Variants in DCAF15 observed in about 807,000 individuals in gnomAD.
DCAF15 encodes the protein DDB1 and CUL4 associated factor 15.
In DCAF15, 24 loss-of-function variants were observed where a neutral mutation model predicts 68.0. That is an observed-to-expected ratio of 0.35 (90% CI 0.26 to 0.50). The LOEUF (loss-of-function observed/expected upper bound fraction) is 0.50. Among genes scored for constraint, DCAF15 ranks in the 20% least tolerant of loss-of-function variants. The pLI is 0.98. For missense variants in DCAF15, 627 were observed against 830.6 expected (o/e 0.75, Z 3.01); for synonymous variants, 376 against 341.6 (o/e 1.10, Z -1.11).
At chr19:13,954,295 G>C in intron 1 of DCAF15, 45 bp from the exon 2 acceptor site, 1 of 1,550,842 alleles carries the variant, frequency 6.4e-7, no homozygotes, top group South Asian at 1.1e-5. Flanking sequence ...AGGGGGCTGG[G>C]GGCTGCAGAT....
In DCAF15 at chr19:13,952,605, G is replaced by A; in HGVS notation, c.93G>A (p.Arg31=). 7.9e-7 allele frequency: 1 copy of A among 1,266,594 alleles called. No homozygotes were observed. The allele number at this position is 1,266,594 out of a possible 1,614,324, so 78.5% of individuals were successfully genotyped here. Residue 31 remains arginine, a synonymous_variant, in exon 1 of 13, where the codon CGG becomes CGA. Coordinates refer to ENST00000254337, the MANE Select transcript of DCAF15 (RefSeq NM_138353.4). The stretch of plus-strand genomic sequence containing the variant: ...CCGGAGGGAAGCGGGCAGCAGGGCG[G>A]CGGCGGGAGCACGTCCTCAAGCAGC... ...GGAGGKRAAG[R]RREHVLKQLE...
Position 13,954,535 on chromosome 19 carries a change from C to T in DCAF15, c.240C>T (p.Phe80=), listed in dbSNP as rs148592830. Residue 80 remains phenylalanine, a synonymous_variant, in exon 3 of 13, where the codon TTC becomes TTT. Coordinates refer to ENST00000254337, the MANE Select transcript of DCAF15 (RefSeq NM_138353.4). ...CCCTCCACCCCCACAGACATATCTTCCTGGGCTTTTCCAAATGCGGCCGCT... is the reference window on the plus strand; with the variant it reads ...CCCTCCACCCCCACAGACATATCTTTCTGGGCTTTTCCAAATGCGGCCGCT... ...DEDFLYAGHI[F]LGFSKCGRYV... is the part of the protein sequence containing the mutation. 6.2e-6 allele frequency: 10 copies of T among 1,614,100 alleles called. No homozygotes were observed. Among genetic ancestry groups the T allele is most frequent in the African/African-American group, 4.0e-5 (3 of 74,954 alleles).
rs182775268 is a variant in DCAF15 at position 13,953,230 on chromosome 19, C to T, written c.132+586C>T. On this transcript the variant is annotated intron_variant, in intron 1 of 12. Coordinates refer to ENST00000254337, the MANE Select transcript of DCAF15 (RefSeq NM_138353.4). ...TCTGTCTCCTCCATCAGACTGGAAA[C>T]TCCCAGAGCTGGGGGATGATGTCTC... 14 of 1,230,970 alleles carry T rather than the reference C, an allele frequency of 1.1e-5. No individual in the cohort carries two copies. The Middle Eastern group carries it at 7.9e-4, about 69-fold the overall frequency. The allele number at this position is 1,230,970 out of a possible 1,614,324, so 76.3% of individuals were successfully genotyped here. A position where few individuals can be genotyped will look rare whatever the true frequency, so the allele number is the denominator to read the frequency against.
intron 1 of DCAF15, chr19:13,952,964 T>TCCAGG: frequency 1.0e-6 from 1 of 969,142 alleles, no homozygotes; most frequent in Non-Finnish European, 1.5e-6. Context: ...AAGGGGGCGA[T>TCCAGG]CCAGGCTTTT....
At position 13,961,416 on chromosome 19, in the gene DCAF15, T is replaced by A. The variant is rs940386535; in HGVS notation, c.*421T>A. The A allele has an allele frequency of 1.6e-4, 33 of 202,566 alleles. No individual in the cohort carries two copies. The highest frequency in any genetic ancestry group is 2.8e-4 in the Non-Finnish European group (27 of 97,950). 12.5% of individuals were successfully genotyped at this position (202,566 alleles called of 1,614,324 possible). On this transcript the variant is annotated 3_prime_UTR_variant, in exon 13 of 13. Transcript: ENST00000254337. ...CCTGGCCATCCCCATTCCGTTCTTC[T>A]TCATGTAATAAATGTTTTAATTTCT...
intron 1 of DCAF15, among the ~76,000 whole-genome samples, chr19:13,954,001 G>A (rs530471919): frequency 1.1e-4 from 16 of 152,288 alleles, no homozygotes; most frequent in African/African-American, 3.4e-4. Context: ...CCTTCAGGGA[G>A]GGAAGCAGGT....
intron 10 of DCAF15, 29 bp from the exon 11 acceptor site, chr19:13,960,258 C>T (rs370495076): frequency 1.9e-6 from 3 of 1,606,330 alleles, no homozygotes; most frequent in Non-Finnish European, 2.6e-6. Context: ...GCTGTCCCAG[C>T]GTTTGTCCTA....
chr19:13,959,645 G>T lies in DCAF15; in HGVS notation c.1283G>T (p.Arg428Leu). 6.2e-7 allele frequency: 1 copy of T among 1,613,316 alleles called. No homozygotes were observed. The highest frequency in any genetic ancestry group is 8.5e-7 in the Non-Finnish European group (1 of 1,179,916). The change falls in exon 8 of 13, where the codon CGG (arginine) becomes CTG (leucine). Residue 428 changes from arginine to leucine, a missense_variant. Physicochemically the swap from Arg to Leu is moderately radical, Grantham distance 102. Coordinates refer to ENST00000254337, the MANE Select transcript of DCAF15 (RefSeq NM_138353.4). ...ACTGATCTTCGTGGCCGCAACCTGC[G>T]GCCCATGCGGGAGCGGACTGCTGTC... is the stretch of plus-strand genomic sequence containing the variant. Reference protein sequence around the residue: ...VVTDLRGRNLRPMRERTAVQG... With the variant: ...VVTDLRGRNLLPMRERTAVQG...
chr19:13,956,438 G>C lies in DCAF15; in HGVS notation c.700G>C (p.Ala234Pro), dbSNP rs571046259. 11 of 1,613,718 alleles carry C rather than the reference G, an allele frequency of 6.8e-6. No individual in the cohort carries two copies. In the Admixed American group the frequency reaches 1.8e-4, roughly 27 times the overall value. ...CTACCCCTTCCCCACCTTCCAGCCC[G>C]CCTTCCAGCTCAAGAAGGACCAGGT... is the stretch of plus-strand genomic sequence containing the variant. ...VVYPFPTFQP[A>P]FQLKKDQVVL... is the part of the protein sequence containing the mutation. Residue 234 changes from alanine (A) to proline (P), a missense_variant, in exon 6 of 13, where the codon GCC becomes CCC. Ala to Pro is a conservative substitution (Grantham distance 27). Around this residue, in one of 3 missense-constraint regions of DCAF15, gnomAD observed 273 missense variants for 393.7 expected, o/e 0.69. Transcript: ENST00000254337.
intron 1 of DCAF15, chr19:13,953,403 C>G (rs980348671): frequency 1.8e-5 from 7 of 384,882 alleles, no homozygotes; most frequent in African/African-American, 1.5e-4. Context: ...GCTGTGTCTC[C>G]CCCTTTTGAC....
At position 13,959,158 on chromosome 19, in the gene DCAF15, C is replaced by T. The variant is rs770999852; in HGVS notation, c.898C>T (p.Pro300Ser). 2 of 1,612,624 alleles carry T rather than the reference C, an allele frequency of 1.2e-6. No individual in the cohort carries two copies. The highest frequency in any genetic ancestry group is 2.2e-5 in the East Asian group (1 of 44,836). ...ELPPALPSFC[P>S]EAAPARSSGS... ...GCCCCCTGCCCTCCCCAGCTTCTGC[C>T]CTGAGGCGGCCCCAGCCCGTTCTTC... The change falls in exon 7 of 13, where the codon CCT becomes TCT. Residue 300 changes from proline to serine, a missense_variant. Physicochemically the swap from Pro to Ser is moderately conservative, Grantham distance 74 (BLOSUM62 -1). Coordinates refer to ENST00000254337, the MANE Select transcript of DCAF15 (RefSeq NM_138353.4).
Position 13,961,063 on chromosome 19 carries a change from T to C in DCAF15, c.*68T>C. On this transcript the variant is annotated 3_prime_UTR_variant, in exon 13 of 13. Coordinates refer to ENST00000254337, the MANE Select transcript of DCAF15 (RefSeq NM_138353.4). ...CCTGGGACCGGCCCCCTTCCTGGGG[T>C]GGCCTCTTCCTGGCCGGCTGGCCCA... The C allele has an allele frequency of 1.9e-6, 3 of 1,595,946 alleles. No individual in the cohort carries two copies. The East Asian group carries it at 6.7e-5, about 36-fold the overall frequency.
In DCAF15 at chr19:13,961,171, T is replaced by G; in HGVS notation, c.*176T>G. The G allele has an allele frequency of 1.4e-6, 1 of 713,158 alleles. No individual in the cohort carries two copies. The highest frequency in any genetic ancestry group is 1.8e-5 in the South Asian group (1 of 56,706). 44.2% of individuals were successfully genotyped at this position (713,158 alleles called of 1,614,324 possible). On this transcript the variant is annotated 3_prime_UTR_variant, in exon 13 of 13. Coordinates refer to ENST00000254337, the MANE Select transcript of DCAF15 (RefSeq NM_138353.4). ...CTGTTGGCCTGAGGGTCTGGACGCT[T>G]TTTATTTATGCCTATTTAAGTTGGG...
chr19:13,959,917 T>TGGGCCCAGGGCGGGCAGGGG (rs566664238), intron 9 of DCAF15, 22 bp downstream of exon 9: 1 of 1,604,030 alleles, frequency 6.2e-7, no homozygotes, highest in Middle Eastern at 1.7e-4. Context: ...GCGGGCAGGG[T>TGGGCCCAGGGCGGGCAGGGG]GGGCCCAGGG....
At position 13,955,468 on chromosome 19, in the gene DCAF15, C is replaced by T. The variant is rs1392294728; in HGVS notation, c.367-444C>T. ...ATGGTTCAAAATGGGTAAATAGCAG[C>T]AATTCCATTTGGTTCAACACACCCT... On this transcript the variant is annotated intron_variant, in intron 3 of 12. Transcript: ENST00000254337. Among the ~76,000 whole-genome samples, 8 of 152,252 alleles carry T rather than the reference C, an allele frequency of 5.3e-5. 1 individual carries two copies. In the East Asian group the frequency reaches 1.5e-3, roughly 29 times the overall value.
intron 10 of DCAF15, 94 bp downstream of exon 10, chr19:13,960,163 G>A: frequency 6.3e-7 from 1 of 1,576,516 alleles, no homozygotes; most frequent in Non-Finnish European, 8.7e-7. Context: ...GGCTCTCCCT[G>A]TGCCACAACC....
Position 13,961,156 on chromosome 19 carries a change from G to C in DCAF15, c.*161G>C, listed in dbSNP as rs923953101. 1 of 814,998 alleles carries C rather than the reference G, an allele frequency of 1.2e-6. No individual in the cohort carries two copies. Among genetic ancestry groups the C allele is most frequent in the East Asian group, 2.7e-5 (1 of 37,372 alleles). 50.5% of individuals were successfully genotyped at this position (814,998 alleles called of 1,614,324 possible). ...TGGGCAGGGCAGCCTCTGTTGGCCTGAGGGTCTGGACGCTTTTTATTTATG... is the reference window on the plus strand; with the variant it reads ...TGGGCAGGGCAGCCTCTGTTGGCCTCAGGGTCTGGACGCTTTTTATTTATG... On this transcript the variant is annotated 3_prime_UTR_variant, in exon 13 of 13. Coordinates refer to ENST00000254337, the MANE Select transcript of DCAF15 (RefSeq NM_138353.4).
rs985664567 is a variant in DCAF15 at position 13,960,590 on chromosome 19, G to C, written c.1747+10G>C. On this transcript the variant is annotated intron_variant, in intron 12 of 12. Coordinates refer to ENST00000254337, the MANE Select transcript of DCAF15 (RefSeq NM_138353.4). ...GAGGCGCTGCACAAAGGTGGGGCTC[G>C]GTGACCCCGTGATGGTCAGGGTCAC... 6.4e-7 allele frequency: 1 copy of C among 1,567,770 alleles called. No homozygotes were observed. Among genetic ancestry groups the C allele is most frequent in the Non-Finnish European group, 8.6e-7 (1 of 1,157,470 alleles).
chr19:13,954,502 G>T, intron 2 of DCAF15, 24 bp from the exon 3 acceptor site: 1 of 1,614,034 alleles, frequency 6.2e-7, no homozygotes, highest in South Asian at 1.1e-5. Flanking sequence ...TGACCTGGCC[G>T]CTGTGCCCCC....
Sources: allele counts gnomAD v4.1 joint callset (sites outside exome capture counted in the v4.1 genomes callset), GRCh38; gene constraint gnomAD v4.1.1; regional missense constraint gnomAD v4.1.1; transcripts MANE v1.5; gene names NCBI Gene and HGNC (gene_info 2026-07-23, HGNC 2026-07-21).